THSD7B: variants seen among roughly 807,000 people sequenced by gnomAD.
THSD7B encodes the protein thrombospondin type 1 domain containing 7B.
In THSD7B, 138 loss-of-function variants were observed where a neutral mutation model predicts 213.6. The ratio of observed to expected loss-of-function variants is 0.65; its 90% CI spans 0.56 to 0.74. The LOEUF (loss-of-function observed/expected upper bound fraction) is 0.74, where lower values mean the gene tolerates loss of function less well. Ranked by LOEUF, THSD7B falls within the 30% of genes least tolerant of loss-of-function variation. The pLI is 0.00. For synonymous variants in THSD7B, 742 were observed against 687.0 expected (o/e 1.08, Z -1.25); for missense variants, 1,931 against 1,991.5 (o/e 0.97, Z 0.58).
At chr2:136,820,876 G>GA (rs1558815917) in intron 1 of THSD7B, among the ~76,000 whole-genome samples, 9 of 151,666 alleles carry the variant, frequency 5.9e-5, no homozygotes, top group East Asian at 3.9e-4. Context: ...CTTGAGAGAG[G>GA]GAGAGAGACA....
intron 1 of THSD7B, among the ~76,000 whole-genome samples, chr2:136,870,141 T>A (rs140786879): frequency 6.6e-6 from 1 of 152,294 alleles, no homozygotes; most frequent in African/African-American, 2.4e-5. Context: ...TTCTGTGTGT[T>A]GGGTAAGATA....
Position 137,049,374 on chromosome 2 carries a change from C to T in THSD7B, c.140-7046C>T, listed in dbSNP as rs537520695. ...ATTAAATTGCAATTGTTGTGGAAGA[C>T]GTTTAGAATAAGATAGAACTGGAGA... is the stretch of plus-strand genomic sequence containing the variant. On this transcript the variant is annotated intron_variant, in intron 2 of 27. Transcript: ENST00000409968. 5.9e-5 allele frequency among the ~76,000 whole-genome samples: 9 copies of T among 152,262 alleles called. No individual in the cohort carries two copies. In the South Asian group the frequency reaches 1.5e-3, roughly 25 times the overall value.
At chr2:136,794,271 T>TA (rs1398840899) in intron 1 of THSD7B, among the ~76,000 whole-genome samples, 1 of 151,790 alleles carries the variant, frequency 6.6e-6, no homozygotes, top group East Asian at 1.9e-4. Flanking sequence ...AAATTTTTTT[T>TA]ATTTTTCCTC....
intron 5 of THSD7B, among the ~76,000 whole-genome samples, chr2:137,117,027 C>G (rs866969783): frequency 6.6e-6 from 1 of 152,160 alleles, no homozygotes. Flanking sequence ...GATGTAAATA[C>G]ATAGATGTGT....
intron 12 of THSD7B, among the ~76,000 whole-genome samples, chr2:137,325,064 G>A (rs536234402): frequency 1.2e-4 from 18 of 152,204 alleles, no homozygotes; most frequent in Admixed American, 2.0e-4. Context: ...GCGTCTATTC[G>A]AGATGTTGTT....
At chr2:137,143,878 A>G (rs1421576732) in intron 5 of THSD7B, among the ~76,000 whole-genome samples, 1 of 151,952 alleles carries the variant, frequency 6.6e-6, no homozygotes, top group Admixed American at 6.6e-5. Context: ...TTAACCAATC[A>G]TCTGAATTTT....
chr2:137,370,473 G>T (rs7602806), intron 12 of THSD7B, among the ~76,000 whole-genome samples: 1 of 151,954 alleles, frequency 6.6e-6, no homozygotes, highest in South Asian at 2.1e-4. Flanking sequence ...AATGATAAGG[G>T]TTTTGTTTTG....
intron 12 of THSD7B, among the ~76,000 whole-genome samples, chr2:137,310,860 C>T: frequency 6.6e-6 from 1 of 152,124 alleles, no homozygotes; most frequent in East Asian, 1.9e-4. Context: ...TTCCATTGAT[C>T]TATATCTCTG....
intron 6 of THSD7B, 100 bp from the exon 7 acceptor site, chr2:137,170,641 G>A (rs1166649880): frequency 3.6e-6 from 4 of 1,104,050 alleles, no homozygotes; most frequent in Non-Finnish European, 5.1e-6. Context: ...TTAGAGCGAT[G>A]AGTACTTGAA....
chr2:137,673,152 T>G (rs894025264), intron 27 of THSD7B, among the ~76,000 whole-genome samples: 1 of 152,186 alleles, frequency 6.6e-6, no homozygotes, highest in Non-Finnish European at 1.5e-5. Flanking sequence ...TGAGAATGAG[T>G]CCTTGCTGAG....
At chr2:137,425,531 A>AAAT (rs1179876568) in intron 14 of THSD7B, among the ~76,000 whole-genome samples, 2 of 152,148 alleles carry the variant, frequency 1.3e-5, no homozygotes, top group Non-Finnish European at 2.9e-5. Context: ...AGATGATTTA[A>AAAT]AATATATGGA....
At chr2:136,895,248 A>C (rs953985347) in intron 2 of THSD7B, among the ~76,000 whole-genome samples, 3 of 152,196 alleles carry the variant, frequency 2.0e-5, no homozygotes, top group Admixed American at 6.5e-5. Context: ...TTTATTTTAC[A>C]GTTGAAGAAA....
At chr2:137,029,293 G>T (rs1343282837) in intron 2 of THSD7B, among the ~76,000 whole-genome samples, 3 of 151,836 alleles carry the variant, frequency 2.0e-5, no homozygotes, top group Non-Finnish European at 2.9e-5. Context: ...TGGCCAGGCT[G>T]GTCTCGAACT....
At chr2:137,287,973 A>G (rs1426266207) in intron 12 of THSD7B, among the ~76,000 whole-genome samples, 6 of 152,256 alleles carry the variant, frequency 3.9e-5, no homozygotes, top group Admixed American at 2.0e-4. Flanking sequence ...CTAAAATTCT[A>G]TCTCTTCAAA....
chr2:137,193,893 G>A (rs1258021779), intron 7 of THSD7B, among the ~76,000 whole-genome samples: 1 of 150,770 alleles, frequency 6.6e-6, no homozygotes, highest in Non-Finnish European at 1.5e-5. Context: ...CCTGACTCTG[G>A]ACTTTCTCGC....
At chr2:137,009,295 CT>C (rs1365954271) in intron 2 of THSD7B, among the ~76,000 whole-genome samples, 5 of 152,096 alleles carry the variant, frequency 3.3e-5, no homozygotes, top group Non-Finnish European at 5.9e-5. Context: ...GGAATTCTTT[CT>C]TTGTATTTTT....
chr2:137,618,542 C>A, intron 19 of THSD7B, 35 bp downstream of exon 19: 1 of 1,576,948 alleles, frequency 6.3e-7, no homozygotes, highest in Non-Finnish European at 8.7e-7. Flanking sequence ...ACATCCAAGG[C>A]TTTGTTTTTC....
intron 16 of THSD7B, among the ~76,000 whole-genome samples, chr2:137,569,466 G>C (rs1285842768): frequency 1.3e-5 from 2 of 152,314 alleles, no homozygotes; most frequent in Middle Eastern, 3.4e-3. Context: ...ATCACCGGCA[G>C]GGGGAGGGGA....
intron 1 of THSD7B, among the ~76,000 whole-genome samples, chr2:136,868,333 TAAATTCTATC>T (rs770083079): frequency 8.8e-4 from 134 of 152,322 alleles, no homozygotes; most frequent in Non-Finnish European, 1.5e-3. Flanking sequence ...AGGATAAAAG[TAAATTCTATC>T]AAATCTCCTG....
Sources: gnomAD v4.1 joint callset for allele counts (sites outside exome capture counted in the v4.1 genomes callset) on GRCh38, gnomAD v4.1.1 for gene constraint, MANE v1.5 for transcripts, NCBI Gene and HGNC (gene_info 2026-07-23, HGNC 2026-07-21) for gene names.